Variants in HTR4 observed in about 807,000 individuals in gnomAD.
HTR4 encodes 5-hydroxytryptamine (serotonin) receptor 4, G protein-coupled.
Under a neutral mutation model 36.8 loss-of-function variants are expected in HTR4, and 16 were observed. The ratio of observed to expected loss-of-function variants is 0.43; its 90% CI spans 0.29 to 0.66. The LOEUF is 0.66. Among genes scored for constraint, HTR4 ranks in the 30% least tolerant of loss-of-function variants. HTR4 has a pLI of 0.13. For missense variants in HTR4, 438 were observed against 490.9 expected (o/e 0.89, Z 1.02); for synonymous variants, 189 against 185.1 (o/e 1.02, Z -0.17).
intron 6 of HTR4, among the ~76,000 whole-genome samples, chr5:148,503,071 G>T (rs960647387): frequency 6.6e-6 from 1 of 152,188 alleles, no homozygotes; most frequent in Non-Finnish European, 1.5e-5. Flanking sequence ...ACACTCTGCA[G>T]GATATTATCC....
intron 2 of HTR4, among the ~76,000 whole-genome samples, chr5:148,618,559 C>A (rs550128335): frequency 3.9e-5 from 6 of 152,172 alleles, no homozygotes; most frequent in Non-Finnish European, 8.8e-5. Context: ...TTTGTGGGAT[C>A]TGATAATAAC....
intron 4 of HTR4, among the ~76,000 whole-genome samples, chr5:148,531,967 G>A (rs1338894725): frequency 6.6e-6 from 1 of 152,140 alleles, no homozygotes; most frequent in African/African-American, 2.4e-5. Flanking sequence ...GTGGGTAGAG[G>A]TCAGGAATGC....
At chr5:148,605,296 T>C (rs1411860390) in intron 2 of HTR4, among the ~76,000 whole-genome samples, 1 of 139,690 alleles carries the variant, frequency 7.2e-6, no homozygotes, top group East Asian at 2.1e-4. Flanking sequence ...CTCACTCTTG[T>C]CGCCCAGGCT....
At chr5:148,635,910 T>C (rs1460613406) in intron 2 of HTR4, among the ~76,000 whole-genome samples, 1 of 152,224 alleles carries the variant, frequency 6.6e-6, no homozygotes, top group Non-Finnish European at 1.5e-5. Context: ...ACACTTTTAT[T>C]GAGAGTGTAA....
chr5:148,635,448 C>CTG (rs1381159335), intron 2 of HTR4, among the ~76,000 whole-genome samples: 2 of 152,220 alleles, frequency 1.3e-5, no homozygotes, highest in East Asian at 3.9e-4. Flanking sequence ...AGACAAGATT[C>CTG]TGGGGCGTGA....
chr5:148,504,127 C>T (rs931075498), intron 6 of HTR4, among the ~76,000 whole-genome samples: 2 of 152,186 alleles, frequency 1.3e-5, no homozygotes, highest in African/African-American at 2.4e-5. Context: ...TTAAACTCAG[C>T]TCTGCATCAA....
chr5:148,515,107 A>G (rs754138692), intron 5 of HTR4, among the ~76,000 whole-genome samples: 3 of 151,934 alleles, frequency 2.0e-5, no homozygotes, highest in Non-Finnish European at 4.4e-5. Context: ...CCTTGTTTCC[A>G]TATTTATTGC....
chr5:148,646,586 C>T (rs936276525), intron 1 of HTR4, among the ~76,000 whole-genome samples: 1 of 152,164 alleles, frequency 6.6e-6, no homozygotes, highest in South Asian at 2.1e-4. Context: ...TGTCTACAAT[C>T]TCCTACCAAA....
chr5:148,625,252 A>T (rs1003861866), intron 2 of HTR4, among the ~76,000 whole-genome samples: 5 of 152,188 alleles, frequency 3.3e-5, no homozygotes, highest in African/African-American at 1.2e-4. Flanking sequence ...GACAGCAATG[A>T]CAGGAAGGGT....
intron 6 of HTR4, among the ~76,000 whole-genome samples, chr5:148,492,019 A>G (rs1756474634): frequency 6.6e-6 from 1 of 152,234 alleles, no homozygotes; most frequent in Non-Finnish European, 1.5e-5. Context: ...GTTGAAGGCC[A>G]GGGCACCACA....
intron 4 of HTR4, among the ~76,000 whole-genome samples, chr5:148,528,698 T>A (rs2113807429): frequency 6.6e-6 from 1 of 152,240 alleles, no homozygotes; most frequent in East Asian, 1.9e-4. Context: ...TCAGTTCCTA[T>A]ATTTGGATTA....
downstream of HTR4, among the ~76,000 whole-genome samples, chr5:148,471,680 T>C (rs1165098722): frequency 6.6e-6 from 1 of 152,216 alleles, no homozygotes; most frequent in African/African-American, 2.4e-5. Context: ...TTATTATAAA[T>C]CACTATTGTT....
intron 5 of HTR4, among the ~76,000 whole-genome samples, chr5:148,522,433 A>G (rs1469239495): frequency 2.0e-5 from 3 of 152,158 alleles, no homozygotes; most frequent in African/African-American, 7.2e-5. Context: ...CTTAACCTTA[A>G]CCTACATAAG....
intron 6 of HTR4, 187 bp downstream of exon 6, chr5:148,509,269 A>G (rs2113770595): frequency 1.9e-6 from 1 of 524,592 alleles, no homozygotes. Context: ...ATTCAAGTCA[A>G]TCTCCCTCCA....
chr5:148,640,378 C>T (rs529390347), intron 1 of HTR4, among the ~76,000 whole-genome samples: 2 of 152,176 alleles, frequency 1.3e-5, no homozygotes, highest in African/African-American at 4.8e-5. Flanking sequence ...TTCCTGGCAA[C>T]AAGAATCCCT....
chr5:148,474,406 C>T (rs559978005), downstream of HTR4, among the ~76,000 whole-genome samples: 20 of 152,186 alleles, frequency 1.3e-4, no homozygotes, highest in South Asian at 4.1e-3. Flanking sequence ...CCTATTTGTA[C>T]CCTATTGACA....
chr5:148,654,004 C>G (rs1754118154), intron 1 of HTR4, 58 bp downstream of exon 1: 1 of 961,710 alleles, frequency 1.0e-6, no homozygotes. Flanking sequence ...CCGCCGCGTC[C>G]CCACCGGCAC....
At chr5:148,457,919 T>C (rs1755146990) in intron 5 of HTR4, among the ~76,000 whole-genome samples, 1 of 135,214 alleles carries the variant, frequency 7.4e-6, no homozygotes, top group African/African-American at 2.7e-5. Flanking sequence ...ATTTAATATA[T>C]CATTAAAATA....
intron 2 of HTR4, among the ~76,000 whole-genome samples, chr5:148,570,509 C>T (rs568757329): frequency 1.3e-5 from 2 of 152,054 alleles, no homozygotes; most frequent in African/African-American, 2.4e-5. Context: ...TAGAAGTTGA[C>T]AGAAAAAAGG....
Sources: gnomAD v4.1 joint callset for allele counts (sites outside exome capture counted in the v4.1 genomes callset) on GRCh38, gnomAD v4.1.1 for gene constraint, MANE v1.5 for transcripts, NCBI Gene and HGNC (gene_info 2026-07-23, HGNC 2026-07-21) for gene names.